PKIA: variants seen among roughly 807,000 people sequenced by gnomAD.
PKIA encodes the protein cAMP-dependent protein kinase inhibitor alpha.
Under a neutral mutation model 7.6 loss-of-function variants are expected in PKIA, and 4 were observed. That is an observed-to-expected ratio of 0.52 (90% CI 0.26 to 1.20). The LOEUF (loss-of-function observed/expected upper bound fraction) is 1.20, where lower values mean the gene tolerates loss of function less well. PKIA is among the 50% of genes most tolerant of loss of function. The pLI is 0.13. For synonymous variants in PKIA, 21 were observed against 30.7 expected, an observed-to-expected ratio of 0.68 and a Z score of 1.04; for missense variants, 73 against 86.2, an observed-to-expected ratio of 0.85 and a Z score of 0.61.
intron 1 of PKIA, among the ~76,000 whole-genome samples, chr8:78,569,254 A>G (rs1256744256): frequency 6.6e-6 from 1 of 151,990 alleles, no homozygotes; most frequent in Non-Finnish European, 1.5e-5. Context: ...GAGAGTTGAC[A>G]CTTCATTTCC....
chr8:78,529,666 C>G lies in PKIA; in HGVS notation c.-157+13198C>G, dbSNP rs190660467. ...ATATATTTAGATTATTTAAGCTAAA[C>G]TTTATTCATTTACATAACAGGTCAC... On this transcript the variant is annotated intron_variant, in intron 1 of 3. Coordinates refer to ENST00000396418, the MANE Select transcript of PKIA (RefSeq NM_006823.4). Among the ~76,000 whole-genome samples, 12 of 152,034 alleles carry G rather than the reference C, an allele frequency of 7.9e-5. No individual in the cohort carries two copies. In the East Asian group the frequency reaches 2.3e-3, roughly 29 times the overall value.
At chr8:78,578,834 A>G (rs1222888931) in intron 2 of PKIA, among the ~76,000 whole-genome samples, 1 of 151,922 alleles carries the variant, frequency 6.6e-6, no homozygotes, top group Non-Finnish European at 1.5e-5. Flanking sequence ...CCATTGCTTC[A>G]ATAGGCAGAT....
chr8:78,537,899 A>G (rs560057810), intron 1 of PKIA, among the ~76,000 whole-genome samples: 1 of 152,148 alleles, frequency 6.6e-6, no homozygotes, highest in East Asian at 1.9e-4. Flanking sequence ...CTTGCTTTAA[A>G]TCATGCTGTT....
intron 1 of PKIA, among the ~76,000 whole-genome samples, chr8:78,527,857 C>A (rs1806286550): frequency 6.6e-6 from 1 of 151,882 alleles, no homozygotes; most frequent in South Asian, 2.1e-4. Context: ...AATACATTGT[C>A]CTATGCATAA....
intron 1 of PKIA, among the ~76,000 whole-genome samples, chr8:78,528,234 C>T (rs1806295768): frequency 6.6e-6 from 1 of 152,076 alleles, no homozygotes; most frequent in African/African-American, 2.4e-5. Flanking sequence ...TTCCTCACTA[C>T]CCTAACCCAA....
At chr8:78,588,982 T>C (rs1323207511) in intron 2 of PKIA, among the ~76,000 whole-genome samples, 1 of 151,582 alleles carries the variant, frequency 6.6e-6, no homozygotes, top group African/African-American at 2.4e-5. Flanking sequence ...ACAGGGAAGA[T>C]GTAAGCAATT....
At chr8:78,547,155 C>T (rs1404684617) in intron 1 of PKIA, among the ~76,000 whole-genome samples, 1 of 152,076 alleles carries the variant, frequency 6.6e-6, no homozygotes, top group East Asian at 1.9e-4. Context: ...TGTCGCCAGG[C>T]TGGAGTGCAA....
chr8:78,599,122 C>A (rs1190123979), intron 3 of PKIA, among the ~76,000 whole-genome samples: 1 of 151,940 alleles, frequency 6.6e-6, no homozygotes, highest in Non-Finnish European at 1.5e-5. Context: ...AATTCTTACC[C>A]AAGGAGTCTA....
At chr8:78,586,656 A>G (rs894756892) in intron 2 of PKIA, among the ~76,000 whole-genome samples, 2 of 152,214 alleles carry the variant, frequency 1.3e-5, no homozygotes, top group Non-Finnish European at 2.9e-5. Flanking sequence ...TTGAGATATC[A>G]ATAGACTATC....
At chr8:78,599,205 A>G (rs1294381323) in intron 3 of PKIA, among the ~76,000 whole-genome samples, 1 of 152,052 alleles carries the variant, frequency 6.6e-6, no homozygotes, top group Non-Finnish European at 1.5e-5. Context: ...GAGTATTAGA[A>G]TAAGTCCCCT....
chr8:78,589,353 G>A (rs959048990), intron 2 of PKIA, among the ~76,000 whole-genome samples: 11 of 152,186 alleles, frequency 7.2e-5, no homozygotes, highest in Non-Finnish European at 5.9e-5. Context: ...GAATTTATGA[G>A]TAGCTTTGAG....
At chr8:78,593,079 A>G (rs555109942) in intron 2 of PKIA, among the ~76,000 whole-genome samples, 1 of 152,252 alleles carries the variant, frequency 6.6e-6, no homozygotes, top group African/African-American at 2.4e-5. Flanking sequence ...CCTACTTTAC[A>G]TCATTGTTAT....
Position 78,598,408 on chromosome 8 carries a change from T to C in PKIA, c.24T>C (p.Tyr8=), listed in dbSNP as rs1268361006. The C allele has an allele frequency of 2.5e-6, 4 of 1,612,136 alleles. No individual in the cohort carries two copies. Among genetic ancestry groups the C allele is most frequent in the Non-Finnish European group, 3.4e-6 (4 of 1,178,640 alleles). Residue 8 remains tyrosine, a synonymous_variant, in exon 3 of 4, where the codon TAT becomes TAC. Transcript: ENST00000396418. MTDVETT[Y]ADFIASGRTG... ...CAATGACTGATGTGGAAACTACATATGCAGATTTTATTGCTTCAGGAAGAA... is the reference window on the plus strand; with the variant it reads ...CAATGACTGATGTGGAAACTACATACGCAGATTTTATTGCTTCAGGAAGAA...
intron 1 of PKIA, among the ~76,000 whole-genome samples, chr8:78,562,762 C>A (rs1171680589): frequency 6.6e-6 from 1 of 151,918 alleles, no homozygotes; most frequent in Non-Finnish European, 1.5e-5. Context: ...ACTCTACCAC[C>A]CTCCCCCACC....
At chr8:78,577,854 G>T (rs1428473677) in intron 2 of PKIA, among the ~76,000 whole-genome samples, 2 of 152,038 alleles carry the variant, frequency 1.3e-5, no homozygotes, top group East Asian at 3.9e-4. Flanking sequence ...GTTTCATTAA[G>T]CTAATATAAA....
chr8:78,535,063 G>A (rs909049283), intron 1 of PKIA: 5 of 152,076 alleles, frequency 3.3e-5, no homozygotes, highest in African/African-American at 1.2e-4. Context: ...CCTTTTGATT[G>A]CTTGTCAAGC....
intron 2 of PKIA, among the ~76,000 whole-genome samples, chr8:78,595,276 A>G (rs1464364031): frequency 2.0e-5 from 3 of 152,212 alleles, no homozygotes; most frequent in Admixed American, 6.5e-5. Flanking sequence ...AGAGGAAACT[A>G]AAAAGTGATT....
At chr8:78,599,876 T>C in intron 3 of PKIA, among the ~76,000 whole-genome samples, 1 of 151,472 alleles carries the variant, frequency 6.6e-6, no homozygotes, top group East Asian at 1.9e-4. Context: ...TTTTCTATTT[T>C]TCCTGAAGTT....
rs10453116 is a variant in PKIA at position 78,523,130 on chromosome 8, T to C, written c.-157+6662T>C. ...CATTAAAATGCTAAAAGGACAAAGA[T>C]GAAGCAACATGTCTTATAATATATG... On this transcript the variant is annotated intron_variant, in intron 1 of 3. Transcript: ENST00000396418. Among the ~76,000 whole-genome samples, 131 of 152,004 alleles carry C rather than the reference T, an allele frequency of 8.6e-4. 2 individuals are homozygous for C. Among genetic ancestry groups the C allele is most frequent in the African/African-American group, 2.9e-3 (121 of 41,520 alleles).
Sources: allele counts gnomAD v4.1 joint callset (sites outside exome capture counted in the v4.1 genomes callset), GRCh38; gene constraint gnomAD v4.1.1; transcripts MANE v1.5; gene names NCBI Gene and HGNC (gene_info 2026-07-23, HGNC 2026-07-21).